Variants in RSU1 observed in about 807,000 individuals in gnomAD.
The protein encoded by RSU1 is rsu-1.
In RSU1, 26 loss-of-function variants were observed where a neutral mutation model predicts 31.1. The ratio of observed to expected loss-of-function variants is 0.84; its 90% CI spans 0.61 to 1.16. RSU1 has a LOEUF of 1.16. RSU1 is among the 50% of genes most tolerant of loss of function. RSU1 has a pLI of 0.00. For synonymous variants in RSU1, 164 were observed against 136.3 expected (o/e 1.20, Z -1.41); for missense variants, 320 against 339.1 (o/e 0.94, Z 0.44).
At chr10:16,731,559 C>G in intron 7 of RSU1, among the ~76,000 whole-genome samples, 1 of 152,114 alleles carries the variant, frequency 6.6e-6, no homozygotes, top group African/African-American at 2.4e-5. Context: ...TTTTACGGTG[C>G]CTGGCATATA....
In RSU1 at chr10:16,591,835, G is replaced by C. The variant is rs1032825701; in HGVS notation, c.*1559C>G. The C allele has an allele frequency of 9.9e-5, 15 of 152,030 alleles. No individual in the cohort carries two copies. Among genetic ancestry groups the C allele is most frequent in the Non-Finnish European group, 2.1e-4 (14 of 68,028 alleles). The allele number at this position is 152,030 out of a possible 1,614,324, so 9.4% of individuals were successfully genotyped here. The stretch of plus-strand genomic sequence containing the variant: ...TGTTCTCCCTCGTGCAATCTCAAAA[G>C]CTCAAAAGTCAATTAAAAAAATTCA... On this transcript the variant is annotated 3_prime_UTR_variant, in exon 9 of 9. Coordinates refer to ENST00000345264, the MANE Select transcript of RSU1 (RefSeq NM_012425.4).
At chr10:16,673,372 C>T (rs1239301089) in intron 8 of RSU1, among the ~76,000 whole-genome samples, 1 of 152,086 alleles carries the variant, frequency 6.6e-6, no homozygotes, top group Non-Finnish European at 1.5e-5. Flanking sequence ...TTTACTGGTG[C>T]CATACATAAT....
At chr10:16,644,800 C>G (rs1340467164) in intron 8 of RSU1, among the ~76,000 whole-genome samples, 1 of 152,074 alleles carries the variant, frequency 6.6e-6, no homozygotes, top group Non-Finnish European at 1.5e-5. Flanking sequence ...ATCTGATAAG[C>G]AAAAATGTGT....
chr10:16,643,024 C>CA (rs941059034), intron 8 of RSU1, among the ~76,000 whole-genome samples: 2 of 151,864 alleles, frequency 1.3e-5, no homozygotes, highest in Admixed American at 6.5e-5. Flanking sequence ...ACTTAGGAGA[C>CA]AAAAAAAATT....
At chr10:16,604,488 G>A (rs951278588) in intron 8 of RSU1, among the ~76,000 whole-genome samples, 7 of 152,036 alleles carry the variant, frequency 4.6e-5, no homozygotes, top group Admixed American at 1.3e-4. Flanking sequence ...CCCGGCACAC[G>A]CGATCCACAC....
At chr10:16,691,100 A>G (rs57003955) in intron 8 of RSU1, among the ~76,000 whole-genome samples, 4,942 of 152,266 alleles carry the variant, frequency 0.032, 248 homozygotes, top group African/African-American at 0.11. Flanking sequence ...TAAAAAAACT[A>G]TGAGTATCAT....
At chr10:16,797,164 G>C (rs939637986) in intron 2 of RSU1, among the ~76,000 whole-genome samples, 1 of 152,192 alleles carries the variant, frequency 6.6e-6, no homozygotes. Context: ...TTGCAGGACA[G>C]GGCCTAGAAT....
At chr10:16,630,711 A>G (rs946291862) in intron 8 of RSU1, among the ~76,000 whole-genome samples, 1 of 152,236 alleles carries the variant, frequency 6.6e-6, no homozygotes, top group Non-Finnish European at 1.5e-5. Flanking sequence ...CATTTAATTG[A>G]AAATATTTCT....
Position 16,798,019 on chromosome 10 carries a change from G to A in RSU1, c.110-15935C>T, listed in dbSNP as rs1427553462. On this transcript the variant is annotated intron_variant, in intron 2 of 8. Coordinates refer to ENST00000345264, the MANE Select transcript of RSU1 (RefSeq NM_012425.4). ...TGGGATTATAGGTGCCCACCACCAC[G>A]CCCGGCTAATTCTTGTATTTTTAGT... 2.6e-5 allele frequency among the ~76,000 whole-genome samples: 4 copies of A among 151,970 alleles called. No homozygotes were observed. The East Asian group carries it at 7.8e-4, about 29-fold the overall frequency.
chr10:16,816,982 T>C lies in RSU1; in HGVS notation c.100A>G (p.Asn34Asp). 1 of 1,613,088 alleles carries C rather than the reference T, an allele frequency of 6.2e-7. No individual in the cohort carries two copies. Among genetic ancestry groups the C allele is most frequent in the Non-Finnish European group, 8.5e-7 (1 of 1,178,980 alleles). Reference sequence around the variant, plus strand: ...CTGCCCGAGAACTCACAGAGGCCGTTGACATCCAGCATGTTGGAGATGCCC... The same window carrying C: ...CTGCCCGAGAACTCACAGAGGCCGTCGACATCCAGCATGTTGGAGATGCCC... The part of the protein sequence containing the change: ...DRGISNMLDV[N>D]GLFTLSHITQ... Residue 34 changes from asparagine to aspartate, a missense_variant, in exon 2 of 9, where the codon AAC (asparagine) becomes GAC (aspartate). Asn to Asp is a conservative substitution (Grantham distance 23). Coordinates refer to ENST00000345264, the MANE Select transcript of RSU1 (RefSeq NM_012425.4).
chr10:16,746,438 G>A (rs763228031), intron 7 of RSU1, among the ~76,000 whole-genome samples: 2 of 152,044 alleles, frequency 1.3e-5, no homozygotes, highest in African/African-American at 2.4e-5. Context: ...GGTAACAAAT[G>A]CGGGACAAGA....
intron 8 of RSU1, among the ~76,000 whole-genome samples, chr10:16,680,983 G>C (rs1835319675): frequency 1.3e-5 from 2 of 152,276 alleles, no homozygotes; most frequent in South Asian, 4.1e-4. Flanking sequence ...AAATGCTATA[G>C]GCTTAACATT....
At chr10:16,626,790 G>C (rs967610594) in intron 8 of RSU1, among the ~76,000 whole-genome samples, 3 of 152,210 alleles carry the variant, frequency 2.0e-5, no homozygotes, top group Non-Finnish European at 4.4e-5. Flanking sequence ...TCGATCTCAT[G>C]TATGGGGGAT....
chr10:16,652,412 A>AAC (rs34029664), intron 8 of RSU1, among the ~76,000 whole-genome samples: 3 of 144,762 alleles, frequency 2.1e-5, no homozygotes, highest in Non-Finnish European at 3.0e-5. Flanking sequence ...AAAAAAAAAA[A>AAC]CCCGAGAATC....
At chr10:16,803,492 T>C (rs546815935) in intron 2 of RSU1, among the ~76,000 whole-genome samples, 1 of 152,256 alleles carries the variant, frequency 6.6e-6, no homozygotes, top group East Asian at 1.9e-4. Context: ...ATCAACAAAC[T>C]GATCCTAAAA....
chr10:16,720,239 C>T (rs1006162914), intron 7 of RSU1, among the ~76,000 whole-genome samples: 3 of 152,172 alleles, frequency 2.0e-5, no homozygotes, highest in Non-Finnish European at 1.5e-5. Context: ...GGCTGATTAT[C>T]CCTAAACCAG....
At chr10:16,668,149 C>T (rs1835035487) in intron 8 of RSU1, among the ~76,000 whole-genome samples, 2 of 152,104 alleles carry the variant, frequency 1.3e-5, no homozygotes, top group African/African-American at 4.8e-5. Flanking sequence ...TCAGCTTCTC[C>T]TTTGAGAAAA....
At chr10:16,746,000 A>G (rs1836845327) in intron 7 of RSU1, among the ~76,000 whole-genome samples, 1 of 152,142 alleles carries the variant, frequency 6.6e-6, no homozygotes, top group Admixed American at 6.5e-5. Context: ...AAAGAAAGTT[A>G]TTTTTCTTTA....
intron 7 of RSU1, among the ~76,000 whole-genome samples, chr10:16,716,171 T>G (rs1382590304): frequency 6.6e-6 from 1 of 151,990 alleles, no homozygotes; most frequent in East Asian, 1.9e-4. Context: ...AGTTCAAATG[T>G]AGGAAAAGGA....
Sources: allele counts gnomAD v4.1 joint callset (sites outside exome capture counted in the v4.1 genomes callset), GRCh38; gene constraint gnomAD v4.1.1; transcripts MANE v1.5; gene names NCBI Gene and HGNC (gene_info 2026-07-23, HGNC 2026-07-21).